The following INPP4B variants were observed in gnomAD, a reference collection of about 807,000 sequenced individuals.
INPP4B encodes inositol polyphosphate-4-phosphatase type II B.
Under a neutral mutation model 122.5 loss-of-function variants are expected in INPP4B, and 55 were observed. The observed-to-expected ratio is 0.45, with a 90% CI of 0.36 to 0.56. The LOEUF is 0.56. Among genes scored for constraint, INPP4B ranks in the 20% least tolerant of loss-of-function variants. The pLI is 0.00. For missense variants in INPP4B, 1,000 were observed against 1,097.7 expected (o/e 0.91, Z 1.26); for synonymous variants, 403 against 388.7 (o/e 1.04, Z -0.43).
At chr4:142,259,239 G>T (rs1184907230) in intron 11 of INPP4B, among the ~76,000 whole-genome samples, 3 of 151,120 alleles carry the variant, frequency 2.0e-5, no homozygotes, top group African/African-American at 7.3e-5. Flanking sequence ...AGCATTGGGA[G>T]ATATACCTAA....
chr4:142,349,739 T>C (rs1045827447), intron 7 of INPP4B, among the ~76,000 whole-genome samples: 7 of 151,990 alleles, frequency 4.6e-5, no homozygotes, highest in Admixed American at 2.6e-4. Flanking sequence ...GCTGTTCTCA[T>C]AAAAGGCACA....
intron 1 of INPP4B, among the ~76,000 whole-genome samples, chr4:142,835,183 G>C (rs892972211): frequency 5.9e-5 from 9 of 152,150 alleles, no homozygotes; most frequent in Admixed American, 5.9e-4. Flanking sequence ...AAACAACACA[G>C]CTGGAATTGA....
intron 2 of INPP4B, among the ~76,000 whole-genome samples, chr4:142,502,405 C>T (rs1823498613): frequency 6.6e-6 from 1 of 152,126 alleles, no homozygotes; most frequent in African/African-American, 2.4e-5. Flanking sequence ...CCTTTTGGGC[C>T]AAAACCAACA....
chr4:142,160,675 G>T, intron 16 of INPP4B, 114 bp from the exon 17 acceptor site: 1 of 651,744 alleles, frequency 1.5e-6, no homozygotes, highest in Non-Finnish European at 2.5e-6. Context: ...GGTGGAAAAA[G>T]TACAGACGCC....
chr4:142,303,603 A>T (rs936855837), intron 9 of INPP4B, among the ~76,000 whole-genome samples: 7 of 152,128 alleles, frequency 4.6e-5, no homozygotes, highest in African/African-American at 1.7e-4. Flanking sequence ...GCTACGATAA[A>T]TCTATAATCT....
intron 2 of INPP4B, among the ~76,000 whole-genome samples, chr4:142,627,314 C>T (rs1746686083): frequency 6.6e-6 from 1 of 150,448 alleles, no homozygotes; most frequent in Non-Finnish European, 1.5e-5. Flanking sequence ...TGAGAGAGGG[C>T]ATCCCTGTCT....
At chr4:142,673,091 T>C (rs1255138954) in intron 2 of INPP4B, among the ~76,000 whole-genome samples, 3 of 152,172 alleles carry the variant, frequency 2.0e-5, no homozygotes, top group South Asian at 2.1e-4. Flanking sequence ...TAGCCACTTA[T>C]ATACCTGTCC....
chr4:142,838,046 T>TTTTA (rs397943721), intron 1 of INPP4B, among the ~76,000 whole-genome samples: 3 of 151,546 alleles, frequency 2.0e-5, no homozygotes, highest in African/African-American at 7.3e-5. Flanking sequence ...TTTTTTTTTT[T>TTTTA]AAGTATTTAT....
chr4:142,457,305 T>C (rs1012000347), intron 3 of INPP4B, among the ~76,000 whole-genome samples: 1 of 152,102 alleles, frequency 6.6e-6, no homozygotes, highest in Non-Finnish European at 1.5e-5. Context: ...AGTTGAAAAC[T>C]TCCACTCTGT....
chr4:142,693,090 C>T (rs1760465747), intron 2 of INPP4B, among the ~76,000 whole-genome samples: 1 of 151,620 alleles, frequency 6.6e-6, no homozygotes, highest in South Asian at 2.1e-4. Context: ...CTTAGGGAAT[C>T]CCCAAAGCTG....
intron 1 of INPP4B, among the ~76,000 whole-genome samples, chr4:142,794,920 A>C (rs1176761784): frequency 6.7e-6 from 1 of 149,680 alleles, no homozygotes; most frequent in Non-Finnish European, 1.5e-5. Context: ...GTATATGTAT[A>C]CACTTTTTTC....
chr4:142,300,018 T>C (rs750235679), intron 9 of INPP4B, among the ~76,000 whole-genome samples: 2 of 152,160 alleles, frequency 1.3e-5, no homozygotes, highest in Admixed American at 6.5e-5. Context: ...TCAACTTTAT[T>C]TGTGTGCAAA....
At chr4:142,468,361 G>A (rs1236520107) in intron 2 of INPP4B, among the ~76,000 whole-genome samples, 1 of 152,172 alleles carries the variant, frequency 6.6e-6, no homozygotes, top group Admixed American at 6.5e-5. Context: ...AGCAAAGGCA[G>A]AAGCTGAGTG....
At chr4:142,569,076 GAAT>G (rs1732250250) in intron 2 of INPP4B, among the ~76,000 whole-genome samples, 2 of 152,036 alleles carry the variant, frequency 1.3e-5, no homozygotes. Context: ...TAGCCTGTAT[GAAT>G]AATAATGGGA....
At chr4:142,334,009 A>G (rs1775648985) in intron 7 of INPP4B, among the ~76,000 whole-genome samples, 1 of 152,128 alleles carries the variant, frequency 6.6e-6, no homozygotes, top group Non-Finnish European at 1.5e-5. Flanking sequence ...TTTGATCATC[A>G]TCTTCCCATT....
chr4:142,514,036 C>G (rs1309125763), intron 2 of INPP4B, among the ~76,000 whole-genome samples: 1 of 152,106 alleles, frequency 6.6e-6, no homozygotes, highest in East Asian at 1.9e-4. Context: ...GGGGGAAGTG[C>G]TTGCCAAATG....
At chr4:142,565,093 TG>T (rs33931386) in intron 2 of INPP4B, among the ~76,000 whole-genome samples, 13,271 of 152,080 alleles carry the variant, frequency 0.087, 1,233 homozygotes, top group African/African-American at 0.24. Flanking sequence ...TTTATGACCT[TG>T]ACGATTTTCA....
At chr4:142,418,667 T>G (rs1478499311) in intron 5 of INPP4B, among the ~76,000 whole-genome samples, 2 of 152,038 alleles carry the variant, frequency 1.3e-5, no homozygotes, top group African/African-American at 4.8e-5. Flanking sequence ...CTGACCTATT[T>G]GAGAAGCAGA....
intron 2 of INPP4B, among the ~76,000 whole-genome samples, chr4:142,485,166 A>G (rs1357469422): frequency 6.6e-6 from 1 of 152,108 alleles, no homozygotes; most frequent in Non-Finnish European, 1.5e-5. Flanking sequence ...GCTTTGAAAG[A>G]AGAGACTTTG....
Sources: gnomAD v4.1 joint callset for allele counts (sites outside exome capture counted in the v4.1 genomes callset) on GRCh38, gnomAD v4.1.1 for gene constraint, MANE v1.5 for transcripts, NCBI Gene and HGNC (gene_info 2026-07-23, HGNC 2026-07-21) for gene names.